PPM1E: variants seen among roughly 807,000 people sequenced by gnomAD.
PPM1E encodes protein phosphatase, Mg2+/Mn2+ dependent 1E.
A neutral mutation model predicts 65.9 loss-of-function variants in PPM1E; 20 were observed. That is an observed-to-expected ratio of 0.30 (90% CI 0.21 to 0.44). PPM1E has a LOEUF of 0.44. PPM1E is among the 20% of genes least tolerant of loss of function. The pLI is 1.00. For missense variants in PPM1E, 713 were observed against 953.1 expected, an observed-to-expected ratio of 0.75 and a Z score of 3.32; for synonymous variants, 352 against 374.9, an observed-to-expected ratio of 0.94 and a Z score of 0.70.
chr17:58,901,353 C>T (rs1159857510), intron 1 of PPM1E, among the ~76,000 whole-genome samples: 1 of 152,142 alleles, frequency 6.6e-6, no homozygotes, highest in Non-Finnish European at 1.5e-5. Context: ...TTTTTGATCA[C>T]ATAACTACTG....
intron 2 of PPM1E, among the ~76,000 whole-genome samples, chr17:58,964,638 G>A (rs2030155661): frequency 6.6e-6 from 1 of 152,178 alleles, no homozygotes; most frequent in Admixed American, 6.5e-5. Flanking sequence ...CGCATAGACA[G>A]AACTTAAGTA....
intron 3 of PPM1E, chr17:58,966,431 A>AAC (rs1029709016): frequency 3.2e-6 from 1 of 316,326 alleles, no homozygotes; most frequent in African/African-American, 2.3e-5. Context: ...AAAAAAAAAA[A>AAC]AAAAAAAAAA....
rs1341966483 is a variant in PPM1E, at chr17:58,883,903, G to A, written c.465-71746G>A. The stretch of plus-strand genomic sequence containing the variant: ...AGGATGACCTGGTTGGAAGACATTT[G>A]TTAGGGAACCTTCTGACTTCAACCC... On this transcript the variant is annotated intron_variant, in intron 1 of 6. Coordinates refer to ENST00000308249, the MANE Select transcript of PPM1E (RefSeq NM_014906.5). Among the ~76,000 whole-genome samples, 3 of 152,094 alleles carry A rather than the reference G, an allele frequency of 2.0e-5. No individual in the cohort carries two copies. In the East Asian group the frequency reaches 5.8e-4, roughly 29 times the overall value.
At chr17:58,902,534 T>A (rs1351315626) in intron 1 of PPM1E, among the ~76,000 whole-genome samples, 1 of 152,126 alleles carries the variant, frequency 6.6e-6, no homozygotes, top group African/African-American at 2.4e-5. Flanking sequence ...CAGAAGTCAT[T>A]TGTCTCTGTC....
At chr17:58,954,305 C>T (rs569866991) in intron 1 of PPM1E, among the ~76,000 whole-genome samples, 1 of 152,166 alleles carries the variant, frequency 6.6e-6, no homozygotes, top group African/African-American at 2.4e-5. Flanking sequence ...TTATTGGTTA[C>T]CCTCCTTCAT....
chr17:58,761,495 C>T (rs922402004), intron 1 of PPM1E, among the ~76,000 whole-genome samples: 9 of 152,198 alleles, frequency 5.9e-5, no homozygotes, highest in African/African-American at 2.2e-4. Flanking sequence ...CCCAGCTCTA[C>T]CCCTCCAGAA....
chr17:58,948,197 C>T (rs2052188767), intron 1 of PPM1E, among the ~76,000 whole-genome samples: 1 of 152,258 alleles, frequency 6.6e-6, no homozygotes, highest in Non-Finnish European at 1.5e-5. Context: ...GGGAAACAGA[C>T]TCTATTTTTT....
At chr17:58,764,931 T>C (rs1004750567) in intron 1 of PPM1E, among the ~76,000 whole-genome samples, 1 of 151,836 alleles carries the variant, frequency 6.6e-6, no homozygotes, top group African/African-American at 2.4e-5. Flanking sequence ...ATAGGCCTAT[T>C]ATCATCATCA....
chr17:58,760,200 A>AT (rs376918454), intron 1 of PPM1E, among the ~76,000 whole-genome samples: 2 of 152,142 alleles, frequency 1.3e-5, no homozygotes, highest in African/African-American at 4.8e-5. Context: ...TCCCTAGTCA[A>AT]TATCAATCTG....
intron 1 of PPM1E, among the ~76,000 whole-genome samples, chr17:58,871,997 G>A (rs2051076227): frequency 6.6e-6 from 1 of 152,088 alleles, no homozygotes; most frequent in Non-Finnish European, 1.5e-5. Context: ...GAGATAAAAA[G>A]TTATAGAAAT....
chr17:58,772,516 A>G (rs373314143), intron 1 of PPM1E, among the ~76,000 whole-genome samples: 1 of 152,118 alleles, frequency 6.6e-6, no homozygotes, highest in East Asian at 1.9e-4. Flanking sequence ...CACATTTGCC[A>G]AAGTAGTCCC....
chr17:58,867,520 G>T (rs186011627), intron 1 of PPM1E, among the ~76,000 whole-genome samples: 1 of 152,186 alleles, frequency 6.6e-6, no homozygotes, highest in Admixed American at 6.5e-5. Flanking sequence ...AATCTTAGAG[G>T]GTATTGCTTA....
At chr17:58,766,397 T>C (rs1437450799) in intron 1 of PPM1E, among the ~76,000 whole-genome samples, 1 of 151,068 alleles carries the variant, frequency 6.6e-6, no homozygotes, top group Non-Finnish European at 1.5e-5. Context: ...AGACAGGGTT[T>C]CATCATGTTG....
At position 58,933,799 on chromosome 17, in the gene PPM1E, G is replaced by GA. The variant is rs11316367; in HGVS notation, c.465-21835dup. Among the ~76,000 whole-genome samples, 244 of 128,564 alleles carry GA rather than the reference G, an allele frequency of 1.9e-3. 3 individuals carry two copies. The highest frequency in any genetic ancestry group is 0.015 in the South Asian group (61 of 4,054). 84.3% of individuals were successfully genotyped at this position (128,564 alleles called of 152,430 possible). A position where few individuals can be genotyped will look rare whatever the true frequency, so the allele number is the denominator to read the frequency against. Reference sequence around the variant, plus strand: ...AGACGAGTGAAACCCTATCTCAAAAGAAAAAAAAAAAAAAAGGCTGGGCGC... The same window carrying GA: ...AGACGAGTGAAACCCTATCTCAAAAGAAAAAAAAAAAAAAAAGGCTGGGCGC... On this transcript the variant is annotated intron_variant, in intron 1 of 6. Transcript: ENST00000308249.
At chr17:58,798,230 GT>G (rs980535079) in intron 1 of PPM1E, among the ~76,000 whole-genome samples, 81 of 130,000 alleles carry the variant, frequency 6.2e-4, no homozygotes, top group African/African-American at 8.6e-4. Context: ...TTTTTTGTTT[GT>G]TTTTTTTTTT....
intron 1 of PPM1E, among the ~76,000 whole-genome samples, chr17:58,817,858 TCTC>T (rs2050441768): frequency 6.6e-6 from 1 of 151,994 alleles, no homozygotes; most frequent in South Asian, 2.1e-4. Flanking sequence ...TTCACGCCAT[TCTC>T]CTGCCTCAGC....
chr17:58,788,536 A>G (rs1198544200), intron 1 of PPM1E, among the ~76,000 whole-genome samples: 2 of 152,200 alleles, frequency 1.3e-5, no homozygotes, highest in South Asian at 2.1e-4. Flanking sequence ...TGAAATGCCA[A>G]TTCCCTGAAT....
intron 1 of PPM1E, among the ~76,000 whole-genome samples, chr17:58,859,966 A>G (rs1040076267): frequency 1.3e-5 from 2 of 152,210 alleles, no homozygotes; most frequent in Non-Finnish European, 2.9e-5. Flanking sequence ...GGGCTGCAGT[A>G]TGTCTAAAGC....
chr17:58,802,078 G>T (rs1488715688), intron 1 of PPM1E, among the ~76,000 whole-genome samples: 1 of 152,144 alleles, frequency 6.6e-6, no homozygotes, highest in Non-Finnish European at 1.5e-5. Context: ...TTTTATTGAG[G>T]TGTGATTGAC....
Sources: gnomAD v4.1 joint callset for allele counts (sites outside exome capture counted in the v4.1 genomes callset) on GRCh38, gnomAD v4.1.1 for gene constraint, MANE v1.5 for transcripts, NCBI Gene and HGNC (gene_info 2026-07-23, HGNC 2026-07-21) for gene names.